Variants in PIK3C2G observed in about 807,000 individuals in gnomAD.
PIK3C2G encodes phosphatidylinositol-4-phosphate 3-kinase catalytic subunit type 2 gamma, also known as phosphatidylinositol 3-kinase C2 domain-containing subunit gamma.
PIK3C2G carries 168 observed loss-of-function variants against 181.1 expected under a neutral mutation model. The ratio of observed to expected loss-of-function variants is 0.93; its 90% CI spans 0.82 to 1.05. The LOEUF is 1.05. Among genes scored for constraint, PIK3C2G ranks in the 50% least tolerant of loss-of-function variants. The pLI, the probability that PIK3C2G is intolerant of heterozygous loss-of-function variation, is 0.00. For missense variants in PIK3C2G, 1,869 were observed against 1,732.8 expected, an observed-to-expected ratio of 1.08 and a Z score of -1.40; for synonymous variants, 573 against 592.2, an observed-to-expected ratio of 0.97 and a Z score of 0.47.
chr12:18,381,913 T>C (rs1314132860), intron 14 of PIK3C2G, 33 bp downstream of exon 14: 1 of 1,218,880 alleles, frequency 8.2e-7, no homozygotes, highest in Admixed American at 1.7e-5. Context: ...AAAGTACACA[T>C]GGCAAGTATT....
chr12:18,430,617 G>C (rs188430970), intron 18 of PIK3C2G, among the ~76,000 whole-genome samples: 51 of 152,280 alleles, frequency 3.3e-4, no homozygotes, highest in Non-Finnish European at 2.2e-4. Flanking sequence ...ATGTCGATAG[G>C]GGGTGGAGGA....
At chr12:18,690,716 A>G in the PIK3C2G span, among the ~76,000 whole-genome samples, 2 of 152,154 alleles carry the variant, frequency 1.3e-5, no homozygotes, top group African/African-American at 2.4e-5. Context: ...CATGATTCCT[A>G]AGTCTTGAAA....
chr12:18,595,607 T>C (rs1167864287), intron 30 of PIK3C2G, among the ~76,000 whole-genome samples: 1 of 152,156 alleles, frequency 6.6e-6, no homozygotes, highest in Non-Finnish European at 1.5e-5. Context: ...TTTTTTCAAA[T>C]GCCAATTCAA....
At chr12:18,392,807 A>G (rs527653763) in intron 15 of PIK3C2G, among the ~76,000 whole-genome samples, 2 of 152,228 alleles carry the variant, frequency 1.3e-5, no homozygotes, top group South Asian at 4.1e-4. Flanking sequence ...ACTGATAACA[A>G]TGTGTGTGAA....
At chr12:18,617,612 A>G (rs1310285623) in intron 31 of PIK3C2G, among the ~76,000 whole-genome samples, 1 of 152,156 alleles carries the variant, frequency 6.6e-6, no homozygotes, top group African/African-American at 2.4e-5. Context: ...TAGCATTAGC[A>G]GTCTATTTTT....
intron 1 of PIK3C2G, among the ~76,000 whole-genome samples, chr12:18,268,322 G>T (rs1019868520): frequency 3.7e-4 from 56 of 152,010 alleles, no homozygotes; most frequent in Admixed American, 1.0e-3. Context: ...TTTGAGTTAT[G>T]TTACCAGCCA....
At chr12:18,595,478 T>C (rs1222525167) in intron 30 of PIK3C2G, among the ~76,000 whole-genome samples, 1 of 152,152 alleles carries the variant, frequency 6.6e-6, no homozygotes, top group Admixed American at 6.5e-5. Context: ...TCTAGGCACC[T>C]GACTTAGAAA....
intron 28 of PIK3C2G, among the ~76,000 whole-genome samples, chr12:18,564,406 AT>A (rs2136342297): frequency 6.6e-6 from 1 of 151,204 alleles, no homozygotes; most frequent in South Asian, 2.1e-4. Flanking sequence ...GTAATTGTTT[AT>A]ACTTTACCTG....
intron 18 of PIK3C2G, among the ~76,000 whole-genome samples, chr12:18,434,500 T>C (rs1337916434): frequency 6.6e-6 from 1 of 152,106 alleles, no homozygotes; most frequent in South Asian, 2.1e-4. Context: ...TAGCATATAA[T>C]TGTAGAATCA....
intron 18 of PIK3C2G, among the ~76,000 whole-genome samples, chr12:18,427,843 G>T (rs1050252989): frequency 2.0e-5 from 3 of 151,978 alleles, no homozygotes; most frequent in African/African-American, 4.8e-5. Flanking sequence ...AGAAGGAATA[G>T]AAAAGAATAT....
At chr12:18,520,976 T>C (rs540242205) in intron 24 of PIK3C2G, among the ~76,000 whole-genome samples, 1 of 152,304 alleles carries the variant, frequency 6.6e-6, no homozygotes, top group East Asian at 1.9e-4. Context: ...TTTGTTTGTT[T>C]TTTTTCTTTT....
intron 11 of PIK3C2G, among the ~76,000 whole-genome samples, chr12:18,354,268 G>A (rs1940501041): frequency 1.3e-5 from 2 of 152,188 alleles, no homozygotes; most frequent in South Asian, 4.1e-4. Context: ...GACCTTACTG[G>A]GGCCAAATTC....
intron 18 of PIK3C2G, among the ~76,000 whole-genome samples, chr12:18,472,221 T>A (rs1043462062): frequency 1.3e-5 from 2 of 152,202 alleles, no homozygotes; most frequent in Admixed American, 1.3e-4. Flanking sequence ...GTGATCATAA[T>A]GATACATTTA....
At chr12:18,627,134 T>C (rs2136700172) in intron 31 of PIK3C2G, among the ~76,000 whole-genome samples, 1 of 152,086 alleles carries the variant, frequency 6.6e-6, no homozygotes, top group African/African-American at 2.4e-5. Flanking sequence ...CACTGATTCT[T>C]CAGTGTGATT....
intron 29 of PIK3C2G, among the ~76,000 whole-genome samples, chr12:18,567,433 G>A (rs1945695813): frequency 6.6e-6 from 1 of 151,668 alleles, no homozygotes; most frequent in South Asian, 2.1e-4. Flanking sequence ...ACATTCTTTG[G>A]GTTCATTCAT....
chr12:18,491,684 AC>A (rs1465941042), intron 20 of PIK3C2G, 126 bp downstream of exon 20: 1 of 572,700 alleles, frequency 1.7e-6, no homozygotes. Context: ...CGAAAAAGTA[AC>A]TGAATCCATT....
At chr12:18,321,676 T>C (rs1314744808) in intron 7 of PIK3C2G, among the ~76,000 whole-genome samples, 1 of 152,082 alleles carries the variant, frequency 6.6e-6, no homozygotes, top group East Asian at 1.9e-4. Context: ...CAGCTAAATT[T>C]ACGATAGCAA....
chr12:18,308,809 C>T (rs991978163), intron 5 of PIK3C2G, among the ~76,000 whole-genome samples: 2 of 151,582 alleles, frequency 1.3e-5, no homozygotes, highest in East Asian at 1.9e-4. Context: ...ACTTATTACA[C>T]GTAAATACAC....
At chr12:18,682,424 A>G in the PIK3C2G span, among the ~76,000 whole-genome samples, 2 of 152,038 alleles carry the variant, frequency 1.3e-5, no homozygotes, top group Non-Finnish European at 2.9e-5. Context: ...CTATGCAACA[A>G]TGTGGTAGAA....
Sources: gnomAD v4.1 joint callset for allele counts (sites outside exome capture counted in the v4.1 genomes callset) on GRCh38, gnomAD v4.1.1 for gene constraint, MANE v1.5 for transcripts, NCBI Gene and HGNC (gene_info 2026-07-23, HGNC 2026-07-21) for gene names.